XYLB: variants seen among roughly 807,000 people sequenced by gnomAD.
XYLB encodes xylulose kinase.
Under a neutral mutation model 78.7 loss-of-function variants are expected in XYLB, and 62 were observed. The observed-to-expected ratio is 0.79, with a 90% CI of 0.64 to 0.97. The LOEUF is 0.97. Ranked by LOEUF, XYLB falls within the 50% of genes least tolerant of loss-of-function variation. XYLB has a pLI of 0.00. For synonymous variants in XYLB, 245 were observed against 247.4 expected, an observed-to-expected ratio of 0.99 and a Z score of 0.09; for missense variants, 687 against 676.8, an observed-to-expected ratio of 1.02 and a Z score of -0.17.
At chr3:38,407,654 A>G (rs899049114) in intron 18 of XYLB, among the ~76,000 whole-genome samples, 1 of 152,190 alleles carries the variant, frequency 6.6e-6, no homozygotes, top group African/African-American at 2.4e-5. Context: ...ATGTGCAGAG[A>G]CACACATAGG....
chr3:38,366,814 A>G lies in XYLB; in HGVS notation c.514A>G (p.Thr172Ala), dbSNP rs751414588. 3.0e-5 allele frequency: 48 copies of G among 1,611,814 alleles called. No individual in the cohort carries two copies. Among genetic ancestry groups the G allele is most frequent in the African/African-American group, 8.0e-5 (6 of 74,894 alleles). ...LTGSRAYERFTGNQIAKIYQQ... is the reference protein window; with the variant it reads ...LTGSRAYERFAGNQIAKIYQQ... ...ATTTATATTCCTTTTCCAGCGTTTT[A>G]CAGGGAACCAAATTGCAAAAATTTA... Residue 172 changes from threonine to alanine, a missense_variant, in exon 7 of 19, where the codon ACA becomes GCA. Transcript: ENST00000207870.
intron 2 of XYLB, among the ~76,000 whole-genome samples, chr3:38,354,476 T>C (rs1705536995): frequency 6.6e-6 from 1 of 152,226 alleles, no homozygotes; most frequent in African/African-American, 2.4e-5. Context: ...AGAATCAGCT[T>C]TTCAGGTTCC....
At chr3:38,418,961 A>G (rs1403067778), downstream of XYLB, among the ~76,000 whole-genome samples, 2 of 152,182 alleles carry the variant, frequency 1.3e-5, no homozygotes, top group Admixed American at 1.3e-4. Flanking sequence ...TAGGTATATT[A>G]CCAATATTAT....
the XYLB span, among the ~76,000 whole-genome samples, chr3:38,439,269 C>G: frequency 6.6e-6 from 1 of 152,144 alleles, no homozygotes; most frequent in Non-Finnish European, 1.5e-5. Flanking sequence ...TCCAGGGGTC[C>G]TCAGTAGAAG....
intron 15 of XYLB, among the ~76,000 whole-genome samples, chr3:38,388,849 G>A (rs562386125): frequency 2.5e-4 from 38 of 152,244 alleles, no homozygotes; most frequent in African/African-American, 8.2e-4. Flanking sequence ...GGACTCTACA[G>A]TGTACCTCTT....
At chr3:38,396,146 A>G (rs535030368) in intron 16 of XYLB, among the ~76,000 whole-genome samples, 1 of 152,252 alleles carries the variant, frequency 6.6e-6, no homozygotes, top group Admixed American at 6.5e-5. Context: ...GCTTGTGACT[A>G]CCTATCTTAG....
In XYLB at chr3:38,411,616, A is replaced by G. The variant is rs372375881; in HGVS notation, c.1534-1320A>G. ...TAGTACAGTTGCTTTTAGTTTTTCA[A>G]TTATAATTAAGTCTTCTTAGATAAA... On this transcript the variant is annotated intron_variant, in intron 18 of 18. Transcript: ENST00000207870. Among the ~76,000 whole-genome samples, 4 of 151,846 alleles carry G rather than the reference A, an allele frequency of 2.6e-5. No homozygotes were observed. The South Asian group carries it at 6.2e-4, about 24-fold the overall frequency.
chr3:38,377,834 T>C (rs1706941362), intron 14 of XYLB, among the ~76,000 whole-genome samples: 1 of 126,858 alleles, frequency 7.9e-6, no homozygotes. Flanking sequence ...CTGCCCAGAG[T>C]CACAAGGTCA....
intron 2 of XYLB, among the ~76,000 whole-genome samples, chr3:38,357,936 C>A (rs928796184): frequency 4.4e-4 from 66 of 151,426 alleles, no homozygotes; most frequent in Non-Finnish European, 7.7e-4. Flanking sequence ...ATTCTGGAAA[C>A]AAGTCCCTTG....
At chr3:38,411,647 T>TAAA (rs201414004) in intron 18 of XYLB, among the ~76,000 whole-genome samples, 1 of 142,068 alleles carries the variant, frequency 7.0e-6, no homozygotes, top group African/African-American at 2.6e-5. Context: ...ATAAAGGATT[T>TAAA]AAAAAAAAAA....
intron 1 of XYLB, among the ~76,000 whole-genome samples, chr3:38,348,331 C>T (rs1705180041): frequency 1.3e-5 from 2 of 152,142 alleles, no homozygotes; most frequent in Non-Finnish European, 2.9e-5. Context: ...GTGGGTGTTC[C>T]TACTTAGCCT....
intron 2 of XYLB, chr3:38,356,387 A>G (rs2125560397): frequency 6.6e-6 from 1 of 152,434 alleles, no homozygotes; most frequent in South Asian, 2.1e-4. Flanking sequence ...ACCACTATGT[A>G]ATCTTAGAAC....
intron 17 of XYLB, among the ~76,000 whole-genome samples, chr3:38,398,842 G>T (rs1708000480): frequency 6.6e-6 from 1 of 150,742 alleles, no homozygotes; most frequent in Non-Finnish European, 1.5e-5. Context: ...GGCCTAGAGG[G>T]TGAAACCCCG....
At chr3:38,437,080 G>C in the XYLB span, among the ~76,000 whole-genome samples, 1 of 149,800 alleles carries the variant, frequency 6.7e-6, no homozygotes, top group Non-Finnish European at 1.5e-5. Context: ...ATAATCAAGT[G>C]GGATTTATAA....
intron 15 of XYLB, 46 bp downstream of exon 15, chr3:38,379,388 G>A: frequency 1.9e-6 from 3 of 1,595,198 alleles, no homozygotes; most frequent in Non-Finnish European, 2.6e-6. Flanking sequence ...GGGGCTCAGG[G>A]CCAGCTCACT....
chr3:38,383,269 A>G (rs1575502485), intron 15 of XYLB, among the ~76,000 whole-genome samples: 1 of 152,198 alleles, frequency 6.6e-6, no homozygotes, highest in Admixed American at 6.5e-5. Flanking sequence ...TGGGATCTGA[A>G]CCAAGCCAGT....
At chr3:38,438,418 A>G in the XYLB span, among the ~76,000 whole-genome samples, 3 of 152,372 alleles carry the variant, frequency 2.0e-5, no homozygotes, top group East Asian at 5.8e-4. Flanking sequence ...TATTACTGAA[A>G]TTACCATATT....
intron 4 of XYLB, 43 bp from the exon 5 acceptor site, chr3:38,365,156 C>T (rs1410528661): frequency 2.5e-6 from 4 of 1,591,334 alleles, no homozygotes; most frequent in African/African-American, 2.7e-5. Flanking sequence ...GGCTGTGACA[C>T]TGGTGTGTGG....
intron 5 of XYLB, 53 bp downstream of exon 5, chr3:38,365,338 C>T (rs1706196762): frequency 1.3e-6 from 2 of 1,568,930 alleles, no homozygotes; most frequent in African/African-American, 2.7e-5. Context: ...AGTCCCAAGT[C>T]CTGTGGGTCC....
Sources: gnomAD v4.1 joint callset for allele counts (sites outside exome capture counted in the v4.1 genomes callset) on GRCh38, gnomAD v4.1.1 for gene constraint, MANE v1.5 for transcripts, NCBI Gene and HGNC (gene_info 2026-07-23, HGNC 2026-07-21) for gene names.